The following TENM3 variants were observed in gnomAD, a reference collection of about 807,000 sequenced individuals.
The protein encoded by TENM3 is teneurin transmembrane protein 3.
A neutral mutation model predicts 255.1 loss-of-function variants in TENM3; 63 were observed. The ratio of observed to expected loss-of-function variants is 0.25; its 90% CI spans 0.20 to 0.30. The LOEUF (loss-of-function observed/expected upper bound fraction) is 0.30, where lower values mean the gene tolerates loss of function less well. Among genes scored for constraint, TENM3 ranks in the 10% least tolerant of loss-of-function variants. The pLI is 1.00. For synonymous variants in TENM3, 1,306 were observed against 1,322.3 expected, an observed-to-expected ratio of 0.99 and a Z score of 0.27; for missense variants, 2,929 against 3,461.1, an observed-to-expected ratio of 0.85 and a Z score of 3.86.
chr4:182,632,160 A>G (rs528025049), intron 5 of TENM3, among the ~76,000 whole-genome samples: 8 of 152,302 alleles, frequency 5.3e-5, no homozygotes, highest in Admixed American at 2.0e-4. Context: ...CTTTTCTCAC[A>G]TATCATTCAT....
At chr4:182,592,541 T>C (rs1163055067) in intron 3 of TENM3, among the ~76,000 whole-genome samples, 4 of 152,192 alleles carry the variant, frequency 2.6e-5, no homozygotes, top group Non-Finnish European at 5.9e-5. Context: ...CAGGCCAGCA[T>C]GGTGAAACCC....
chr4:182,163,188 C>T (rs927121513), intron 1 of TENM3, among the ~76,000 whole-genome samples: 14 of 152,176 alleles, frequency 9.2e-5, no homozygotes, highest in African/African-American at 3.4e-4. Context: ...GGGCTCTCAT[C>T]CCTCATCTTA....
At chr4:181,562,696 G>C in the TENM3 span, among the ~76,000 whole-genome samples, 1 of 125,712 alleles carries the variant, frequency 8.0e-6, no homozygotes, top group Non-Finnish European at 1.7e-5. Context: ...TTTTTTTTGA[G>C]ATGGAGTTTC....
At chr4:182,161,649 A>ACACAAATATATATG (rs1751210172) in intron 1 of TENM3, among the ~76,000 whole-genome samples, 1 of 113,894 alleles carries the variant, frequency 8.8e-6, no homozygotes, top group Non-Finnish European at 1.7e-5. Context: ...GTATATATAT[A>ACACAAATATATATG]TATACACACA....
At chr4:182,648,467 G>T (rs113529191) in intron 5 of TENM3, among the ~76,000 whole-genome samples, 1 of 152,018 alleles carries the variant, frequency 6.6e-6, no homozygotes, top group Non-Finnish European at 1.5e-5. Context: ...TTTTAGTAGA[G>T]ACTGGGTTTT....
intron 6 of TENM3, among the ~76,000 whole-genome samples, chr4:182,666,678 C>T (rs1036324155): frequency 2.0e-5 from 3 of 152,142 alleles, no homozygotes; most frequent in African/African-American, 7.2e-5. Flanking sequence ...TGGTGGATCG[C>T]TTGAGTCCAA....
At chr4:181,776,679 C>G in the TENM3 span, among the ~76,000 whole-genome samples, 1 of 152,122 alleles carries the variant, frequency 6.6e-6, no homozygotes, top group East Asian at 1.9e-4. Context: ...TTAATGATAT[C>G]AAGCATTTTT....
chr4:181,745,909 G>A, the TENM3 span, among the ~76,000 whole-genome samples: 1 of 152,214 alleles, frequency 6.6e-6, no homozygotes, highest in South Asian at 2.1e-4. Flanking sequence ...TGCACATGCA[G>A]ATAAGGAGTT....
chr4:182,227,972 G>GT (rs1305424773), intron 1 of TENM3, among the ~76,000 whole-genome samples: 3 of 152,158 alleles, frequency 2.0e-5, no homozygotes, highest in African/African-American at 4.8e-5. Context: ...GCAATAAAAT[G>GT]TAAGTGAACT....
rs1186952026 is a variant in TENM3 at position 182,498,206 on chromosome 4, T to G, written c.512-102718T>G. ...GTGGGACCAAAATATATCTAAGACA[T>G]AGGCTTCTTGGAAGGAAGGCTGACT... On this transcript the variant is annotated intron_variant, in intron 3 of 27. Coordinates refer to ENST00000511685, the MANE Select transcript of TENM3 (RefSeq NM_001080477.4). Among the ~76,000 whole-genome samples the G allele has an allele frequency of 2.0e-5, 3 of 152,114 alleles. No individual in the cohort carries two copies. In the East Asian group the frequency reaches 5.8e-4, roughly 29 times the overall value.
chr4:182,302,762 CTTT>C (rs1019092654), intron 1 of TENM3, among the ~76,000 whole-genome samples: 4 of 152,036 alleles, frequency 2.6e-5, no homozygotes, highest in African/African-American at 9.7e-5. Flanking sequence ...GTCATTTTTC[CTTT>C]AGAGTGCTGG....
chr4:181,533,192 G>C, the TENM3 span, among the ~76,000 whole-genome samples: 1 of 152,160 alleles, frequency 6.6e-6, no homozygotes, highest in African/African-American at 2.4e-5. Context: ...TGTCTATAGT[G>C]AGGAAATAAA....
intron 15 of TENM3, 116 bp from the exon 16 acceptor site, chr4:182,730,762 T>G: frequency 9.0e-7 from 1 of 1,106,066 alleles, no homozygotes; most frequent in South Asian, 1.7e-5. Flanking sequence ...ATATTTCATA[T>G]AAAAGTTGGG....
intron 3 of TENM3, among the ~76,000 whole-genome samples, chr4:182,382,382 A>G (rs1580359734): frequency 1.3e-5 from 2 of 151,268 alleles, no homozygotes; most frequent in East Asian, 3.9e-4. Flanking sequence ...TATATTTTCA[A>G]GTTATACCCA....
chr4:182,689,038 T>C (rs1304381695), intron 12 of TENM3, among the ~76,000 whole-genome samples: 2 of 152,182 alleles, frequency 1.3e-5, no homozygotes, highest in African/African-American at 4.8e-5. Context: ...ATCCAAAACA[T>C]ATATATCATG....
intron 3 of TENM3, among the ~76,000 whole-genome samples, chr4:182,594,282 G>A (rs906705610): frequency 1.3e-5 from 2 of 152,138 alleles, no homozygotes; most frequent in African/African-American, 4.8e-5. Context: ...TAGGATTACA[G>A]GCGTGAACCA....
intron 1 of TENM3, among the ~76,000 whole-genome samples, chr4:182,234,316 C>A (rs567559622): frequency 2.1e-4 from 32 of 152,198 alleles, no homozygotes; most frequent in Non-Finnish European, 4.7e-4. Flanking sequence ...AATCACGGTG[C>A]TACCTCCTGC....
intron 3 of TENM3, among the ~76,000 whole-genome samples, chr4:182,423,160 T>C (rs747463624): frequency 2.0e-5 from 3 of 152,200 alleles, no homozygotes; most frequent in Non-Finnish European, 4.4e-5. Flanking sequence ...TCGGTTTTGT[T>C]CTTGTGTGTG....
intron 3 of TENM3, among the ~76,000 whole-genome samples, chr4:182,473,783 A>T (rs890228484): frequency 4.0e-5 from 6 of 151,562 alleles, no homozygotes; most frequent in African/African-American, 1.5e-4. Flanking sequence ...AACATATGAG[A>T]CCCTGTCTCT....
Sources: allele counts gnomAD v4.1 joint callset (sites outside exome capture counted in the v4.1 genomes callset), GRCh38; gene constraint gnomAD v4.1.1; transcripts MANE v1.5; gene names NCBI Gene and HGNC (gene_info 2026-07-23, HGNC 2026-07-21).